CNOT7: variants seen among roughly 807,000 people sequenced by gnomAD.
CNOT7 encodes BTG1-binding factor 1.
CNOT7 carries 4 observed loss-of-function variants against 37.1 expected under a neutral mutation model. That is an observed-to-expected ratio of 0.11 (90% confidence interval 0.05 to 0.25). The LOEUF is 0.25. Among genes scored for constraint, CNOT7 ranks in the 10% least tolerant of loss-of-function variants. CNOT7 has a pLI of 1.00. For synonymous variants in CNOT7, 128 were observed against 115.6 expected (o/e 1.11, Z -0.69); for missense variants, 170 against 336.2 (o/e 0.51, Z 3.87).
intron 6 of CNOT7, chr8:17,231,534 GCTTT>G (rs1392706829): frequency 4.8e-5 from 47 of 984,946 alleles, no homozygotes; most frequent in Middle Eastern, 5.2e-4. Flanking sequence ...CAGCTTTAAT[GCTTT>G]CTATTATCAA....
Position 17,239,773 on chromosome 8 carries a change from G to T in CNOT7, c.312-2400C>A, listed in dbSNP as rs1428860396. On this transcript the variant is annotated intron_variant, in intron 3 of 6. Transcript: ENST00000361272. The stretch of plus-strand genomic sequence containing the variant: ...CTCCCAAAGTGCTGGGATTACAGGC[G>T]TGAGCCACCACGCCCAGCCTAAAAG... Among the ~76,000 whole-genome samples the T allele has an allele frequency of 2.6e-5, 4 of 152,204 alleles. No homozygotes were observed. The South Asian group carries it at 8.3e-4, about 31-fold the overall frequency.
At chr8:17,238,580 A>C (rs768595184) in intron 3 of CNOT7, among the ~76,000 whole-genome samples, 4 of 151,784 alleles carry the variant, frequency 2.6e-5, no homozygotes, top group Non-Finnish European at 5.9e-5. Flanking sequence ...AAAAATTAGA[A>C]TCTCATTCAT....
At position 17,239,714 on chromosome 8, in the gene CNOT7, CG is replaced by C. The variant is rs1199536856; in HGVS notation, c.312-2342del. Among the ~76,000 whole-genome samples, 5 of 151,974 alleles carry C rather than the reference CG, an allele frequency of 3.3e-5. No homozygotes were observed. The East Asian group carries it at 9.8e-4, about 30-fold the overall frequency. On this transcript the variant is annotated intron_variant, in intron 3 of 6. Coordinates refer to ENST00000361272, the MANE Select transcript of CNOT7 (RefSeq NM_013354.7). ...TTCACCGTGTTAGCCAGGATGTTCTCGATCTCCTGACCTTGTGATCCGCCCG... is the reference window on the plus strand; with the variant it reads ...TTCACCGTGTTAGCCAGGATGTTCTCATCTCCTGACCTTGTGATCCGCCCG...
chr8:17,242,372 T>A (rs957834898), intron 3 of CNOT7: 3 of 152,188 alleles, frequency 2.0e-5, no homozygotes, highest in African/African-American at 7.2e-5. Flanking sequence ...CTACTTCTAT[T>A]AATAATACAG....
chr8:17,241,091 A>G (rs1292630719), intron 3 of CNOT7, among the ~76,000 whole-genome samples: 1 of 152,144 alleles, frequency 6.6e-6, no homozygotes, highest in African/African-American at 2.4e-5. Flanking sequence ...TTTTAGAGAC[A>G]AAGTATCACT....
At chr8:17,237,494 T>A (rs1809536396) in intron 3 of CNOT7, 121 bp from the exon 4 acceptor site, 1 of 792,790 alleles carries the variant, frequency 1.3e-6, no homozygotes, top group African/African-American at 1.7e-5. Context: ...TGAGTCCACC[T>A]GTTTCAATGC....
At chr8:17,244,525 C>A (rs919510292) in intron 2 of CNOT7, 3 of 152,432 alleles carry the variant, frequency 2.0e-5, no homozygotes, top group Non-Finnish European at 4.4e-5. Context: ...TCAAATAAGG[C>A]CACTCTGTAA....
At chr8:17,233,448 G>GCA (rs1334861919) in intron 5 of CNOT7, among the ~76,000 whole-genome samples, 1 of 152,172 alleles carries the variant, frequency 6.6e-6, no homozygotes, top group Non-Finnish European at 1.5e-5. Flanking sequence ...AGGTCAAAAA[G>GCA]CACCTTTGTC....
chr8:17,232,611 A>T, intron 5 of CNOT7, 74 bp from the exon 6 acceptor site: 1 of 1,278,102 alleles, frequency 7.8e-7, no homozygotes, highest in Non-Finnish European at 1.1e-6. Context: ...ATAAACTTAG[A>T]CGCTGACCAA....
In CNOT7 at chr8:17,237,987, C is replaced by G. The variant is rs568126269; in HGVS notation, c.312-614G>C. ...AGCAATAATTTCTTCTGCCAACAAT[C>G]CTATTCCTAAAAGACTGCCTTATAA... On this transcript the variant is annotated intron_variant, in intron 3 of 6. Coordinates refer to ENST00000361272, the MANE Select transcript of CNOT7 (RefSeq NM_013354.7). Among the ~76,000 whole-genome samples, 127 of 152,348 alleles carry G rather than the reference C, an allele frequency of 8.3e-4. 1 individual carries two copies. Among genetic ancestry groups the G allele is most frequent in the Middle Eastern group, 3.4e-3 (1 of 294 alleles).
chr8:17,241,574 T>C (rs1051328311), intron 3 of CNOT7: 7 of 152,190 alleles, frequency 4.6e-5, no homozygotes, highest in African/African-American at 1.2e-4. Flanking sequence ...CTACCATTAA[T>C]TGCCTACAGT....
At chr8:17,243,427 TAACCAAATACTTAC>T (rs1810462026) in intron 2 of CNOT7, 1 of 627,764 alleles carries the variant, frequency 1.6e-6, no homozygotes, top group African/African-American at 1.8e-5. Context: ...GTGATAAATT[TAACCAAATACTTAC>T]TCTATAACCA....
chr8:17,240,116 C>T (rs1240694380), intron 3 of CNOT7, among the ~76,000 whole-genome samples: 1 of 152,228 alleles, frequency 6.6e-6, no homozygotes, highest in Non-Finnish European at 1.5e-5. Flanking sequence ...TTTGATCTTT[C>T]TTCCAAATTT....
At chr8:17,244,168 A>T (rs1810568709) in intron 2 of CNOT7, among the ~76,000 whole-genome samples, 1 of 152,222 alleles carries the variant, frequency 6.6e-6, no homozygotes, top group Non-Finnish European at 1.5e-5. Context: ...AATCCAGTGG[A>T]TGTAGAAAAC....
chr8:17,241,023 G>A (rs1249954515), intron 3 of CNOT7, among the ~76,000 whole-genome samples: 1 of 152,124 alleles, frequency 6.6e-6, no homozygotes, highest in South Asian at 2.1e-4. Context: ...GCCAAGGGTT[G>A]GACAAGTTTA....
At position 17,230,023 on chromosome 8, in the gene CNOT7, A is replaced by G. The variant is rs1808428644; in HGVS notation, c.*697T>C. 6.6e-6 allele frequency: 1 copy of G among 152,386 alleles called. No individual in the cohort carries two copies. The highest frequency in any genetic ancestry group is 1.5e-5 in the Non-Finnish European group (1 of 67,880). The allele number at this position is 152,386 out of a possible 1,614,324, so 9.4% of individuals were successfully genotyped here. ...TGGTTTGAAAATTCTTCAGTCACAG[A>G]GCAGCCTACACATGCCAATTAGAAA... On this transcript the variant is annotated 3_prime_UTR_variant, in exon 7 of 7. Transcript: ENST00000361272.
intron 2 of CNOT7, among the ~76,000 whole-genome samples, chr8:17,243,792 T>C (rs990316941): frequency 6.6e-6 from 1 of 152,234 alleles, no homozygotes; most frequent in Non-Finnish European, 1.5e-5. Flanking sequence ...ATGATCACTA[T>C]GAATTTCCAT....
Position 17,233,379 on chromosome 8 carries a change from C to G in CNOT7, c.619-842G>C, listed in dbSNP as rs570649145. On this transcript the variant is annotated intron_variant, in intron 5 of 6. Transcript: ENST00000361272. ...TAAAAATAGCACGAGGATTAGGTAT[C>G]GTTAGCAGCTGCTTAGGAGAACAGA... is the stretch of plus-strand genomic sequence containing the variant. Among the ~76,000 whole-genome samples the G allele has an allele frequency of 2.6e-3, 390 of 152,322 alleles. 3 individuals carry two copies. Among genetic ancestry groups the G allele is most frequent in the Non-Finnish European group, 4.2e-3 (284 of 68,034 alleles).
chr8:17,227,478 C>T lies in CNOT7; in HGVS notation c.*3242G>A, dbSNP rs1377553405. 1.3e-5 allele frequency: 2 copies of T among 151,834 alleles called. No homozygotes were observed. Among genetic ancestry groups the T allele is most frequent in the East Asian group, 3.9e-4 (2 of 5,194 alleles). The allele number at this position is 151,834 out of a possible 1,614,324, so 9.4% of individuals were successfully genotyped here. ...ATCAAAGGGCTGATGTCTTAATTTT[C>T]TCTGGACACATGTCTTTGGGTTGGT... On this transcript the variant is annotated 3_prime_UTR_variant, in exon 7 of 7. Coordinates refer to ENST00000361272, the MANE Select transcript of CNOT7 (RefSeq NM_013354.7).
Sources: gnomAD v4.1 joint callset for allele counts (sites outside exome capture counted in the v4.1 genomes callset) on GRCh38, gnomAD v4.1.1 for gene constraint, MANE v1.5 for transcripts, NCBI Gene and HGNC (gene_info 2026-07-23, HGNC 2026-07-21) for gene names.